The following ADK variants were observed in gnomAD, a reference collection of about 807,000 sequenced individuals.
ADK encodes N6,N6-dimethyladenosine kinase.
Under a neutral mutation model 44.7 loss-of-function variants are expected in ADK, and 24 were observed. That is an observed-to-expected ratio of 0.54 (90% CI 0.39 to 0.76). ADK has a LOEUF of 0.76. Among genes scored for constraint, ADK ranks in the 30% least tolerant of loss-of-function variants. The pLI is 0.00. For missense variants in ADK, 321 were observed against 425.1 expected (o/e 0.76, Z 2.15); for synonymous variants, 128 against 142.6 (o/e 0.90, Z 0.73).
chr10:74,191,646 C>T (rs1396694456), intron 1 of ADK, among the ~76,000 whole-genome samples: 2 of 152,190 alleles, frequency 1.3e-5, no homozygotes, highest in African/African-American at 4.8e-5. Flanking sequence ...CAGAAAGTTC[C>T]TGTGCACCAT....
chr10:74,549,741 C>T (rs1307070631), intron 7 of ADK, among the ~76,000 whole-genome samples: 3 of 152,110 alleles, frequency 2.0e-5, no homozygotes, highest in Admixed American at 6.5e-5. Context: ...TGGCCTAGAT[C>T]GTAAATTCTT....
At chr10:74,177,943 A>T (rs201647106) in intron 1 of ADK, among the ~76,000 whole-genome samples, 2,609 of 56,758 alleles carry the variant, frequency 0.046, 69 homozygotes, top group African/African-American at 0.1. Flanking sequence ...ATATATATAT[A>T]TATTTTTTTT....
chr10:74,593,007 T>G (rs1851774348), intron 8 of ADK, among the ~76,000 whole-genome samples: 1 of 152,206 alleles, frequency 6.6e-6, no homozygotes, highest in Non-Finnish European at 1.5e-5. Flanking sequence ...AAAGTTTCAT[T>G]GATCAGCATG....
At chr10:74,668,349 G>A (rs959771058) in intron 9 of ADK, among the ~76,000 whole-genome samples, 10 of 152,068 alleles carry the variant, frequency 6.6e-5, no homozygotes, top group Non-Finnish European at 5.9e-5. Flanking sequence ...TCTAGAAAAT[G>A]TAATTCTGGA....
intron 6 of ADK, among the ~76,000 whole-genome samples, chr10:74,400,077 G>A (rs1158544378): frequency 6.6e-6 from 1 of 152,050 alleles, no homozygotes; most frequent in Non-Finnish European, 1.5e-5. Flanking sequence ...TGGGTGAATG[G>A]AGTTTTACAG....
chr10:74,645,820 C>G (rs1854034514), intron 9 of ADK, among the ~76,000 whole-genome samples: 1 of 152,104 alleles, frequency 6.6e-6, no homozygotes, highest in African/African-American at 2.4e-5. Context: ...CCATTAATGG[C>G]AGATTTCAAG....
intron 4 of ADK, among the ~76,000 whole-genome samples, chr10:74,341,541 A>AG (rs1841583897): frequency 1.3e-5 from 2 of 152,002 alleles, no homozygotes; most frequent in Non-Finnish European, 2.9e-5. Flanking sequence ...AAAAAAAAAA[A>AG]AAAAGGATTT....
At chr10:74,659,133 C>T (rs1480720479) in intron 9 of ADK, among the ~76,000 whole-genome samples, 2 of 152,094 alleles carry the variant, frequency 1.3e-5, no homozygotes, top group Admixed American at 1.3e-4. Flanking sequence ...GCAGGAAGAT[C>T]ACTTCAGCCC....
intron 1 of ADK, among the ~76,000 whole-genome samples, chr10:74,189,457 C>T (rs971672910): frequency 2.0e-5 from 3 of 152,116 alleles, no homozygotes; most frequent in Non-Finnish European, 2.9e-5. Context: ...TTCCGCTCTG[C>T]AATATTTTGA....
intron 3 of ADK, among the ~76,000 whole-genome samples, chr10:74,307,870 G>C (rs1182025140): frequency 6.6e-6 from 1 of 152,154 alleles, no homozygotes; most frequent in African/African-American, 2.4e-5. Context: ...CGGTGGACTT[G>C]GGGGTGATGC....
chr10:74,493,334 C>A (rs1847553925), intron 6 of ADK, among the ~76,000 whole-genome samples: 1 of 148,784 alleles, frequency 6.7e-6, no homozygotes, highest in Non-Finnish European at 1.5e-5. Flanking sequence ...AGGTGTGCAC[C>A]AACACACCCA....
intron 4 of ADK, among the ~76,000 whole-genome samples, chr10:74,374,267 G>T (rs561858907): frequency 6.6e-6 from 1 of 152,172 alleles, no homozygotes; most frequent in African/African-American, 2.4e-5. Context: ...ACTTCAAAGG[G>T]ATGAATTGCA....
At chr10:74,224,464 T>G in intron 2 of ADK, 74 bp from the exon 3 acceptor site, 2 of 1,193,656 alleles carry the variant, frequency 1.7e-6, no homozygotes, top group Non-Finnish European at 2.5e-6. Context: ...GGAGTGCTTG[T>G]TTTGAAGAGG....
At chr10:74,209,207 G>A (rs1843715962) in intron 2 of ADK, among the ~76,000 whole-genome samples, 2 of 152,156 alleles carry the variant, frequency 1.3e-5, no homozygotes, top group South Asian at 4.1e-4. Context: ...AGGACTCAAG[G>A]TTGAAGGGAG....
intron 4 of ADK, among the ~76,000 whole-genome samples, chr10:74,345,227 T>C (rs1260736644): frequency 6.6e-6 from 1 of 152,204 alleles, no homozygotes; most frequent in Non-Finnish European, 1.5e-5. Flanking sequence ...ATAAATAATC[T>C]AATTTGTTTA....
chr10:74,218,558 C>T (rs575803197), intron 2 of ADK, among the ~76,000 whole-genome samples: 33 of 152,180 alleles, frequency 2.2e-4, no homozygotes, highest in South Asian at 1.7e-3. Context: ...CACCAAGACA[C>T]ATAATTGTCA....
At chr10:74,410,668 G>A (rs1379889866) in intron 6 of ADK, among the ~76,000 whole-genome samples, 1 of 152,134 alleles carries the variant, frequency 6.6e-6, no homozygotes, top group Non-Finnish European at 1.5e-5. Context: ...CTGACAGAGT[G>A]AGACTCTGTC....
chr10:74,496,570 C>T (rs1439709508), intron 6 of ADK, among the ~76,000 whole-genome samples: 6 of 152,140 alleles, frequency 3.9e-5, no homozygotes, highest in Non-Finnish European at 8.8e-5. Context: ...TATAAATTAC[C>T]CAGTCTCAGG....
Position 74,257,485 on chromosome 10 carries a change from A to G in ADK, c.194+32894A>G, listed in dbSNP as rs546746526. ...TTAAAGTGAGTGTGGTGATATTAATACTTAAATGAAAAATATGAGTTAATA... is the reference window on the plus strand; with the variant it reads ...TTAAAGTGAGTGTGGTGATATTAATGCTTAAATGAAAAATATGAGTTAATA... On this transcript the variant is annotated intron_variant, in intron 3 of 10. Coordinates refer to ENST00000539909, the MANE Select transcript of ADK (RefSeq NM_006721.4). 1.9e-4 allele frequency among the ~76,000 whole-genome samples: 29 copies of G among 152,328 alleles called. 1 individual carries two copies. In the South Asian group the frequency reaches 3.7e-3, roughly 20 times the overall value.
Sources: allele counts gnomAD v4.1 joint callset (sites outside exome capture counted in the v4.1 genomes callset), GRCh38; gene constraint gnomAD v4.1.1; transcripts MANE v1.5; gene names NCBI Gene and HGNC (gene_info 2026-07-23, HGNC 2026-07-21).